SERPINB8: variants seen among roughly 807,000 people sequenced by gnomAD.
SERPINB8 encodes the protein serpin family B member 8.
In SERPINB8, 25 loss-of-function variants were observed where a neutral mutation model predicts 35.3. That is an observed-to-expected ratio of 0.71 (90% CI 0.52 to 0.99). The LOEUF is 0.99. Among genes scored for constraint, SERPINB8 ranks in the 50% least tolerant of loss-of-function variants. The pLI, the probability that SERPINB8 is intolerant of heterozygous loss-of-function variation, is 0.00. For missense variants in SERPINB8, 484 were observed against 446.5 expected (o/e 1.08, Z -0.76); for synonymous variants, 186 against 160.8 (o/e 1.16, Z -1.19).
chr18:64,005,713 CTGTAA>C (rs1289784331), downstream of SERPINB8: 1 of 152,090 alleles, frequency 6.6e-6, no homozygotes, highest in African/African-American at 2.4e-5. Flanking sequence ...CTAAGATAGC[CTGTAA>C]GGAAGTGTTT....
downstream of SERPINB8, among the ~76,000 whole-genome samples, chr18:63,989,836 G>A (rs1174624562): frequency 2.7e-5 from 4 of 149,056 alleles, no homozygotes; most frequent in Non-Finnish European, 4.5e-5. Context: ...CCAGCTACTC[G>A]GGAGGCTGAG....
intron 5 of SERPINB8, 54 bp downstream of exon 5, chr18:63,983,775 A>T: frequency 1.6e-6 from 2 of 1,225,558 alleles, no homozygotes; most frequent in Non-Finnish European, 2.4e-6. Flanking sequence ...ATATTACAGG[A>T]AATATTCTCT....
At chr18:63,981,136 CG>C (rs2050664963) in intron 3 of SERPINB8, among the ~76,000 whole-genome samples, 1 of 152,190 alleles carries the variant, frequency 6.6e-6, no homozygotes. Flanking sequence ...CGCATGCACA[CG>C]TATGAACCCA....
downstream of SERPINB8, among the ~76,000 whole-genome samples, chr18:63,991,277 T>G (rs533624293): frequency 3.8e-4 from 58 of 152,360 alleles, no homozygotes; most frequent in Middle Eastern, 0.01. Flanking sequence ...TGATTAGGAC[T>G]GTGTGAATTC....
At chr18:64,000,349 T>A (rs2050868463) in intron 1 of SERPINB8, among the ~76,000 whole-genome samples, 2 of 152,074 alleles carry the variant, frequency 1.3e-5, no homozygotes, top group Non-Finnish European at 2.9e-5. Context: ...TTTAGGACCA[T>A]GATAGGGTAG....
At chr18:63,981,419 G>A (rs921266859) in intron 3 of SERPINB8, among the ~76,000 whole-genome samples, 5 of 152,202 alleles carry the variant, frequency 3.3e-5, no homozygotes, top group African/African-American at 4.8e-5. Flanking sequence ...AGTGGAGAGC[G>A]TTTGACAAGG....
At chr18:64,001,490 TA>T (rs1271035683) in intron 1 of SERPINB8, among the ~76,000 whole-genome samples, 2,229 of 152,030 alleles carry the variant, frequency 0.015, 52 homozygotes, top group African/African-American at 0.052. Context: ...TTTATTTATT[TA>T]TTTATTTATT....
At chr18:63,981,690 T>C (rs745808279) in intron 3 of SERPINB8, 31 bp from the exon 4 acceptor site, 13 of 1,456,260 alleles carry the variant, frequency 8.9e-6, no homozygotes, top group Non-Finnish European at 1.2e-5. Flanking sequence ...CTTTACCAAA[T>C]GAGACTAAAC....
At chr18:63,993,742 C>T (rs2050835328), downstream of SERPINB8, among the ~76,000 whole-genome samples, 1 of 152,214 alleles carries the variant, frequency 6.6e-6, no homozygotes, top group Admixed American at 6.5e-5. Context: ...AACTACAAGG[C>T]AGGCTGCATG....
rs1329193673 is a variant in SERPINB8 at position 63,985,164 on chromosome 18, C to T, written c.639C>T (p.Thr213=). ...FKMGYADEVH[T]QVLELPYVEE... is the part of the protein sequence containing the mutation. ...TGGGGTATGCGGATGAGGTACACAC[C>T]CAGGTCCTGGAGCTGCCCTATGTGG... The change falls in exon 6 of 7, where the codon ACC becomes ACT. Residue 213 remains threonine, a synonymous_variant. Coordinates refer to ENST00000397985, the MANE Select transcript of SERPINB8 (RefSeq NM_002640.4). The T allele has an allele frequency of 4.3e-6, 7 of 1,613,972 alleles. No individual in the cohort carries two copies. The highest frequency in any genetic ancestry group is 5.9e-6 in the Non-Finnish European group (7 of 1,180,028).
chr18:63,973,303 C>A (rs935115290), intron 1 of SERPINB8, among the ~76,000 whole-genome samples: 1 of 152,196 alleles, frequency 6.6e-6, no homozygotes, highest in African/African-American at 2.4e-5. Context: ...TGAGAAGTGT[C>A]TGTTCATATC....
At chr18:64,010,712 C>A (rs563770223) in intron 7 of SERPINB8, among the ~76,000 whole-genome samples, 1 of 152,016 alleles carries the variant, frequency 6.6e-6, no homozygotes, top group East Asian at 1.9e-4. Flanking sequence ...GGTGTCAATT[C>A]CCTTTGTATA....
chr18:63,984,383 ACTATGC>A (rs2050718864), intron 5 of SERPINB8, among the ~76,000 whole-genome samples: 1 of 152,212 alleles, frequency 6.6e-6, no homozygotes, highest in Non-Finnish European at 1.5e-5. Flanking sequence ...ATCAGTGGCA[ACTATGC>A]CTATTTATTG....
At chr18:63,989,644 T>C (rs12955419), downstream of SERPINB8, among the ~76,000 whole-genome samples, 25,043 of 152,028 alleles carry the variant, frequency 0.16, 2,218 homozygotes, top group Middle Eastern at 0.3. Context: ...ATGTTCAGCA[T>C]TTAAAAAAAT....
downstream of SERPINB8, among the ~76,000 whole-genome samples, chr18:64,010,642 T>C (rs1345366850): frequency 6.6e-6 from 1 of 152,076 alleles, no homozygotes; most frequent in Non-Finnish European, 1.5e-5. Flanking sequence ...TACCACACAT[T>C]ATGGAAAATT....
chr18:63,979,710 TG>T, intron 2 of SERPINB8, 90 bp from the exon 3 acceptor site: 1 of 1,458,704 alleles, frequency 6.9e-7, no homozygotes, highest in Non-Finnish European at 9.5e-7. Context: ...GGATCCTGTG[TG>T]GTTTTTTTAG....
intron 1 of SERPINB8, among the ~76,000 whole-genome samples, chr18:63,974,031 T>C (rs2050539325): frequency 6.6e-6 from 1 of 152,232 alleles, no homozygotes; most frequent in Non-Finnish European, 1.5e-5. Context: ...AAGAAAGTCA[T>C]TGGTAGCTTG....
chr18:64,011,714 T>C (rs1366277307), intron 7 of SERPINB8, among the ~76,000 whole-genome samples: 2 of 152,134 alleles, frequency 1.3e-5, no homozygotes, highest in Non-Finnish European at 2.9e-5. Context: ...ATTACTGAAA[T>C]GGAATGGTGA....
chr18:63,982,347 A>G (rs2050685830), intron 4 of SERPINB8, among the ~76,000 whole-genome samples: 1 of 152,190 alleles, frequency 6.6e-6, no homozygotes, highest in Non-Finnish European at 1.5e-5. Context: ...GTGCAGCGAC[A>G]TGGAGCCTGC....
Sources: gnomAD v4.1 joint callset for allele counts (sites outside exome capture counted in the v4.1 genomes callset) on GRCh38, gnomAD v4.1.1 for gene constraint, MANE v1.5 for transcripts, NCBI Gene and HGNC (gene_info 2026-07-23, HGNC 2026-07-21) for gene names.